SMYD3: variants seen among roughly 807,000 people sequenced by gnomAD.
SMYD3 encodes the protein SET and MYND domain containing 3, also known as histone-lysine N-methyltransferase SMYD3.
SMYD3 carries 36 observed loss-of-function variants against 57.7 expected under a neutral mutation model. That is an observed-to-expected ratio of 0.62 (90% confidence interval 0.48 to 0.82). SMYD3 has a LOEUF of 0.82. Ranked by LOEUF, SMYD3 falls within the 40% of genes least tolerant of loss-of-function variation. SMYD3 has a pLI of 0.00. For synonymous variants in SMYD3, 211 were observed against 195.0 expected, an observed-to-expected ratio of 1.08 and a Z score of -0.68; for missense variants, 515 against 538.8, an observed-to-expected ratio of 0.96 and a Z score of 0.44.
At chr1:245,874,531 G>T (rs1201670302) in intron 8 of SMYD3, among the ~76,000 whole-genome samples, 3 of 152,136 alleles carry the variant, frequency 2.0e-5, no homozygotes, top group Non-Finnish European at 4.4e-5. Context: ...TCAGTTAATG[G>T]AGGGTTCCAT....
intron 3 of SMYD3, 27 bp from the exon 4 acceptor site, chr1:246,330,564 A>C (rs1168288691): frequency 6.4e-7 from 1 of 1,571,764 alleles, no homozygotes; most frequent in Non-Finnish European, 8.6e-7. Flanking sequence ...GAAAACGCCA[A>C]TAACAATTTC....
chr1:246,440,129 A>G (rs1180717428), intron 1 of SMYD3, among the ~76,000 whole-genome samples: 2 of 152,204 alleles, frequency 1.3e-5, no homozygotes, highest in Admixed American at 6.5e-5. Flanking sequence ...CTTACTCTAC[A>G]TGAGAAATAA....
At chr1:246,320,407 AAC>A (rs1186557295) in intron 5 of SMYD3, among the ~76,000 whole-genome samples, 27 of 152,304 alleles carry the variant, frequency 1.8e-4, no homozygotes, top group African/African-American at 6.5e-4. Context: ...AGAAGGAGAG[AAC>A]ATCTTCTCAA....
At chr1:246,035,983 G>A (rs1381977359) in intron 5 of SMYD3, among the ~76,000 whole-genome samples, 12 of 152,114 alleles carry the variant, frequency 7.9e-5, no homozygotes, top group Non-Finnish European at 5.9e-5. Flanking sequence ...TCAATAAATC[G>A]AACCAACAGA....
intron 5 of SMYD3, among the ~76,000 whole-genome samples, chr1:245,942,974 G>C (rs1004664093): frequency 5.3e-5 from 8 of 152,016 alleles, no homozygotes; most frequent in African/African-American, 1.9e-4. Flanking sequence ...CTCTGGGATA[G>C]AGCTAAAGCA....
At chr1:246,119,848 G>C (rs764362974) in intron 5 of SMYD3, among the ~76,000 whole-genome samples, 1 of 152,176 alleles carries the variant, frequency 6.6e-6, no homozygotes, top group Non-Finnish European at 1.5e-5. Context: ...TCTCTATGTA[G>C]GAGAGGAAAA....
At chr1:246,219,667 G>C (rs545655467) in intron 5 of SMYD3, among the ~76,000 whole-genome samples, 10 of 152,246 alleles carry the variant, frequency 6.6e-5, no homozygotes, top group African/African-American at 2.4e-4. Flanking sequence ...CGCATAAGCC[G>C]TCTGCAGAGA....
intron 11 of SMYD3, among the ~76,000 whole-genome samples, chr1:245,759,030 C>G (rs986845383): frequency 6.6e-6 from 1 of 152,208 alleles, no homozygotes. Context: ...TTCAGGTTCC[C>G]TATCTGGCTC....
chr1:246,033,694 C>T (rs902228048), intron 5 of SMYD3, among the ~76,000 whole-genome samples: 1 of 151,896 alleles, frequency 6.6e-6, no homozygotes, highest in Non-Finnish European at 1.5e-5. Flanking sequence ...GGCTGAGGCA[C>T]GAGAATCGCT....
chr1:246,408,084 T>G (rs2066897333), intron 1 of SMYD3, among the ~76,000 whole-genome samples: 1 of 151,864 alleles, frequency 6.6e-6, no homozygotes, highest in African/African-American at 2.4e-5. Flanking sequence ...ATCCCATTCA[T>G]GAGGACTCTG....
chr1:246,479,502 A>ATTTTTTTTTTT (rs35818746), intron 1 of SMYD3, among the ~76,000 whole-genome samples: 1 of 107,634 alleles, frequency 9.3e-6, no homozygotes, highest in Non-Finnish European at 1.8e-5. Context: ...AAAAAGCGGG[A>ATTTTTTTTTTT]TTTTTTTTTT....
chr1:245,931,330 G>A (rs890904098), intron 5 of SMYD3, among the ~76,000 whole-genome samples: 1 of 152,156 alleles, frequency 6.6e-6, no homozygotes, highest in Non-Finnish European at 1.5e-5. Flanking sequence ...AGGAGAACTG[G>A]GTAGCACAGC....
At chr1:245,855,590 C>G (rs1019638343) in intron 10 of SMYD3, among the ~76,000 whole-genome samples, 1 of 152,040 alleles carries the variant, frequency 6.6e-6, no homozygotes, top group Non-Finnish European at 1.5e-5. Flanking sequence ...ATATATATGC[C>G]GATACTATCA....
chr1:246,453,475 A>G (rs1249082532), intron 1 of SMYD3, among the ~76,000 whole-genome samples: 1 of 152,246 alleles, frequency 6.6e-6, no homozygotes, highest in Non-Finnish European at 1.5e-5. Flanking sequence ...CTATAAAAAG[A>G]TGCTATTTAC....
intron 5 of SMYD3, among the ~76,000 whole-genome samples, chr1:246,260,380 G>T (rs1259847644): frequency 6.6e-6 from 1 of 152,194 alleles, no homozygotes; most frequent in Non-Finnish European, 1.5e-5. Context: ...TGCTCACCAG[G>T]ATCTGGGTGT....
In SMYD3 at chr1:246,401,341, T is replaced by C. The variant is rs561755749; in HGVS notation, c.165-46247A>G. ...GCAAGACCCCATCTCTATTTAAACT[T>C]TTTTTTTTTTGAGACACAGTCTTGC... is the stretch of plus-strand genomic sequence containing the variant. On this transcript the variant is annotated intron_variant, in intron 1 of 11. Transcript: ENST00000490107. 2.7e-5 allele frequency among the ~76,000 whole-genome samples: 4 copies of C among 149,564 alleles called. No individual in the cohort carries two copies. In the South Asian group the frequency reaches 8.4e-4, roughly 31 times the overall value.
At chr1:246,335,332 A>G (rs2065525365) in intron 3 of SMYD3, 35 bp downstream of exon 3, 14 of 1,589,512 alleles carry the variant, frequency 8.8e-6, no homozygotes, top group Non-Finnish European at 1.2e-5. Context: ...TTATTTAACC[A>G]AAACCCAGCT....
chr1:245,929,926 G>A lies in SMYD3; in HGVS notation c.543C>T (p.Asn181=). The stretch of plus-strand genomic sequence containing the variant: ...TCTCCGCATTACAGATGGTGAAAGA[G>A]TTGCAGATCACCTGTAAACACAAGG... ...LFEAFAKVIC[N]SFTICNAEMQ... Residue 181 remains asparagine (N), a synonymous_variant, in exon 6 of 12, where the codon AAC becomes AAT. Coordinates refer to ENST00000490107, the MANE Select transcript of SMYD3 (RefSeq NM_001167740.2). 2 of 1,613,582 alleles carry A rather than the reference G, an allele frequency of 1.2e-6. No homozygotes were observed. Among genetic ancestry groups the A allele is most frequent in the South Asian group, 2.2e-5 (2 of 91,072 alleles).
chr1:246,118,810 T>C (rs1489316090), intron 5 of SMYD3, among the ~76,000 whole-genome samples: 1 of 60,390 alleles, frequency 1.7e-5, no homozygotes, highest in East Asian at 2.9e-4. Context: ...ATGAGGCACG[T>C]GCTTTTTTTT....
Sources: gnomAD v4.1 joint callset for allele counts (sites outside exome capture counted in the v4.1 genomes callset) on GRCh38, gnomAD v4.1.1 for gene constraint, MANE v1.5 for transcripts, NCBI Gene and HGNC (gene_info 2026-07-23, HGNC 2026-07-21) for gene names.